The following ABCB4 variants were observed in gnomAD, a reference collection of about 807,000 sequenced individuals.
The protein encoded by ABCB4 is ATP binding cassette subfamily B member 4.
ABCB4 carries 76 observed loss-of-function variants against 145.7 expected under a neutral mutation model. That is an observed-to-expected ratio of 0.52 (90% CI 0.43 to 0.63). ABCB4 has a LOEUF of 0.63. Ranked by LOEUF, ABCB4 falls within the 30% of genes least tolerant of loss-of-function variation. ABCB4 has a pLI of 0.00. For synonymous variants in ABCB4, 517 were observed against 566.8 expected (o/e 0.91, Z 1.25); for missense variants, 1,234 against 1,553.1 (o/e 0.79, Z 3.45).
intron 16 of ABCB4, among the ~76,000 whole-genome samples, chr7:87,425,221 T>C (rs545195522): frequency 3.9e-5 from 6 of 152,322 alleles, no homozygotes; most frequent in Admixed American, 2.0e-4. Context: ...GACAATCTTG[T>C]TGATTGCAGC....
At chr7:87,467,497 G>A (rs1462583329) in intron 3 of ABCB4, among the ~76,000 whole-genome samples, 2 of 152,114 alleles carry the variant, frequency 1.3e-5, no homozygotes, top group East Asian at 3.8e-4. Flanking sequence ...CGAGACAGAA[G>A]TTAACAAGGA....
intron 24 of ABCB4, 71 bp from the exon 25 acceptor site, chr7:87,408,305 G>A: frequency 6.8e-7 from 1 of 1,472,810 alleles, no homozygotes; most frequent in Non-Finnish European, 9.3e-7. Flanking sequence ...ATTATTTCAA[G>A]GAAACTTTAC....
At chr7:87,368,798 A>G in the ABCB4 span, among the ~76,000 whole-genome samples, 1 of 152,242 alleles carries the variant, frequency 6.6e-6, no homozygotes, top group Non-Finnish European at 1.5e-5. Flanking sequence ...TACAGCAAAC[A>G]AACAGTTCTT....
Position 87,401,784 on chromosome 7 carries a change from G to C in ABCB4, c.*312C>G. Reference sequence around the variant, plus strand: ...CTACCCAACCCATTCAGGACCATAAGACCATTTCCCTATGTCTGTGGCTTC... The same window carrying C: ...CTACCCAACCCATTCAGGACCATAACACCATTTCCCTATGTCTGTGGCTTC... On this transcript the variant is annotated 3_prime_UTR_variant, in exon 28 of 28. Coordinates refer to ENST00000649586, the MANE Select transcript of ABCB4 (RefSeq NM_000443.4). 2.3e-6 allele frequency: 1 copy of C among 443,118 alleles called. No individual in the cohort carries two copies. The allele number at this position is 443,118 out of a possible 1,614,324, so 27.4% of individuals were successfully genotyped here.
At chr7:87,398,414 G>C, downstream of ABCB4, 7 of 1,332,798 alleles carry the variant, frequency 5.3e-6, no homozygotes, top group Non-Finnish European at 7.5e-6. Flanking sequence ...ATGTCAGCAA[G>C]ACTTCACATT....
At chr7:87,385,950 G>A in the ABCB4 span, among the ~76,000 whole-genome samples, 10 of 152,066 alleles carry the variant, frequency 6.6e-5, no homozygotes, top group African/African-American at 2.4e-4. Flanking sequence ...TAGGGTTTTT[G>A]TCCTTTATTC....
At chr7:87,437,500 A>G (rs948028043) in intron 14 of ABCB4, among the ~76,000 whole-genome samples, 1 of 152,182 alleles carries the variant, frequency 6.6e-6, no homozygotes, top group African/African-American at 2.4e-5. Context: ...GCAATAGGTA[A>G]CCAATTTAGC....
chr7:87,392,574 G>A, the ABCB4 span: 1 of 1,613,158 alleles, frequency 6.2e-7, no homozygotes, highest in Non-Finnish European at 8.5e-7. Flanking sequence ...AGCTTCGTGA[G>A]CGGCAGCAAA....
Position 87,451,700 on chromosome 7 carries a change from T to G in ABCB4, c.631A>C (p.Ile211Leu), listed in dbSNP as rs762642076. Residue 211 changes from isoleucine (I) to leucine (L), a missense_variant, in exon 7 of 28, where the codon ATC (isoleucine) becomes CTC (leucine). Coordinates refer to ENST00000649586, the MANE Select transcript of ABCB4 (RefSeq NM_000443.4). The stretch of plus-strand genomic sequence containing the variant: ...ACAAGGGTGAGCTTCCATCCTCTGA[T>G]GAATCCCACTATGAATCCTGCAAAA... ...TFFAGFIVGFIRGWKLTLVIM... is the reference protein window; with the variant it reads ...TFFAGFIVGFLRGWKLTLVIM... 1.2e-6 allele frequency: 2 copies of G among 1,614,210 alleles called. No individual in the cohort carries two copies. The highest frequency in any genetic ancestry group is 2.2e-5 in the East Asian group (1 of 44,880).
chr7:87,410,286 G>A (rs956138512), intron 23 of ABCB4, among the ~76,000 whole-genome samples: 3 of 152,180 alleles, frequency 2.0e-5, no homozygotes, highest in African/African-American at 7.2e-5. Flanking sequence ...TACTAATAAT[G>A]GAGAACTTTA....
At chr7:87,452,378 CTTTTT>C (rs528084596) in intron 6 of ABCB4, 2,554 of 134,736 alleles carry the variant, frequency 0.019, 64 homozygotes, top group African/African-American at 0.065. Context: ...TTGCTTTTCC[CTTTTT>C]TTTTTTTTTT....
intron 19 of ABCB4, among the ~76,000 whole-genome samples, chr7:87,419,131 A>C (rs1287334943): frequency 6.6e-6 from 1 of 152,240 alleles, no homozygotes; most frequent in Non-Finnish European, 1.5e-5. Flanking sequence ...ATAAAAAAAG[A>C]AGCATGTCTG....
chr7:87,452,808 G>T, intron 6 of ABCB4, 136 bp downstream of exon 6: 1 of 1,017,072 alleles, frequency 9.8e-7, no homozygotes, highest in Non-Finnish European at 1.5e-6. Flanking sequence ...TGCTAGACAT[G>T]GCTGCCAGAT....
the ABCB4 span, among the ~76,000 whole-genome samples, chr7:87,377,769 G>A: frequency 6.6e-6 from 1 of 152,092 alleles, no homozygotes; most frequent in Admixed American, 6.6e-5. Context: ...ATGGCATTAT[G>A]TATGTGTTCT....
the ABCB4 span, among the ~76,000 whole-genome samples, chr7:87,384,716 C>A: frequency 6.6e-6 from 1 of 152,166 alleles, no homozygotes; most frequent in African/African-American, 2.4e-5. Flanking sequence ...TTTTTAACTT[C>A]ATATGATCCC....
At chr7:87,454,626 G>T in intron 4 of ABCB4, 34 bp from the exon 5 acceptor site, 1 of 1,514,286 alleles carries the variant, frequency 6.6e-7, no homozygotes, top group Non-Finnish European at 9.1e-7. Flanking sequence ...CATGTTAAAA[G>T]ATCAAACTAT....
the ABCB4 span, chr7:87,382,036 C>A: frequency 6.4e-7 from 1 of 1,570,232 alleles, no homozygotes; most frequent in Non-Finnish European, 8.7e-7. Context: ...CCTAATAGTT[C>A]TATAGATAAA....
At chr7:87,399,848 C>T (rs1167513857), downstream of ABCB4, 1 of 152,136 alleles carries the variant, frequency 6.6e-6, no homozygotes, top group Non-Finnish European at 1.5e-5. Flanking sequence ...ATTAACCATC[C>T]AAAACTTAGT....
At chr7:87,441,674 C>G (rs1422440674) in intron 12 of ABCB4, among the ~76,000 whole-genome samples, 1 of 151,986 alleles carries the variant, frequency 6.6e-6, no homozygotes, top group East Asian at 1.9e-4. Context: ...CAATAGCTCA[C>G]TGCAGCCTTG....
Sources: allele counts gnomAD v4.1 joint callset (sites outside exome capture counted in the v4.1 genomes callset), GRCh38; gene constraint gnomAD v4.1.1; transcripts MANE v1.5; gene names NCBI Gene and HGNC (gene_info 2026-07-23, HGNC 2026-07-21).